CYP26B1: variants seen among roughly 807,000 people sequenced by gnomAD.
CYP26B1 encodes cytochrome P450 26B1.
A neutral mutation model predicts 39.1 loss-of-function variants in CYP26B1; 8 were observed. That is an observed-to-expected ratio of 0.20 (90% confidence interval 0.12 to 0.37). CYP26B1 has a LOEUF of 0.37. Among genes scored for constraint, CYP26B1 ranks in the 10% least tolerant of loss-of-function variants. The pLI, the probability that CYP26B1 is intolerant of heterozygous loss-of-function variation, is 1.00. For synonymous variants in CYP26B1, 321 were observed against 314.3 expected (o/e 1.02, Z -0.23); for missense variants, 615 against 707.0 (o/e 0.87, Z 1.48).
chr2:72,141,538 C>G (rs545611442), intron 2 of CYP26B1, among the ~76,000 whole-genome samples: 1 of 152,216 alleles, frequency 6.6e-6, no homozygotes, highest in Non-Finnish European at 1.5e-5. Flanking sequence ...ACTTCCTGCA[C>G]GTACCTCCTA....
rs768235981 is a variant in CYP26B1 at position 72,147,802 on chromosome 2, C to A, written c.33G>T (p.Ala11=). 8 of 1,552,082 alleles carry A rather than the reference C, an allele frequency of 5.2e-6. No homozygotes were observed. Among genetic ancestry groups the A allele is most frequent in the South Asian group, 1.2e-5 (1 of 83,868 alleles). Reference sequence around the variant, plus strand: ...CCAGGCACGCGGCGAGGGTGGCCAGCGCCGACACCAGATCCAAGCCCTCAA... The same window carrying A: ...CCAGGCACGCGGCGAGGGTGGCCAGAGCCGACACCAGATCCAAGCCCTCAA... MLFEGLDLVS[A]LATLAACLVS... is the part of the protein sequence containing the mutation. Residue 11 remains alanine (A), a synonymous_variant, in exon 1 of 6, where the codon GCG becomes GCT. Coordinates refer to ENST00000001146, the MANE Select transcript of CYP26B1 (RefSeq NM_019885.4). The surrounding 1 kb of genome is among the most constrained non-coding windows in gnomAD (Gnocchi z 6.1).
rs1398105195 is a variant in CYP26B1 at position 72,147,466 on chromosome 2, G to A, written c.204+165C>T. Among the ~76,000 whole-genome samples, 1 of 152,216 alleles carries A rather than the reference G, an allele frequency of 6.6e-6. No individual in the cohort carries two copies. The highest frequency in any genetic ancestry group is 2.4e-5 in the African/African-American group (1 of 41,464). ...CCAGTGGTCCCGGAACCGCGCTGCC[G>A]GCGGGCTGGGGAAGCCCGGGCTGCT... On this transcript the variant is annotated intron_variant, in intron 1 of 5. Transcript: ENST00000001146. The surrounding 1 kb of genome is among the most constrained non-coding windows in gnomAD (Gnocchi z 6.1).
Position 72,131,934 on chromosome 2 carries a change from G to A in CYP26B1, c.*293C>T, listed in dbSNP as rs763896328. 1.0e-5 allele frequency: 5 copies of A among 499,758 alleles called. No homozygotes were observed. The highest frequency in any genetic ancestry group is 3.4e-5 in the Admixed American group (1 of 29,524). 31.0% of individuals were successfully genotyped at this position (499,758 alleles called of 1,614,324 possible). A position where few individuals can be genotyped will look rare whatever the true frequency, so the allele number is the denominator to read the frequency against. On this transcript the variant is annotated 3_prime_UTR_variant, in exon 6 of 6. Transcript: ENST00000001146. ...ACATCACAAAAACACTGTAGCACGC[G>A]CTGACACCTAACACTGTCACGGGCA...
intron 2 of CYP26B1, among the ~76,000 whole-genome samples, chr2:72,143,633 G>A (rs767623121): frequency 5.5e-4 from 84 of 152,238 alleles, no homozygotes; most frequent in Non-Finnish European, 9.1e-4. Context: ...AATTCCCTGG[G>A]AAACGTGGCG....
At chr2:72,139,529 G>T (rs946443420) in intron 2 of CYP26B1, among the ~76,000 whole-genome samples, 1 of 152,150 alleles carries the variant, frequency 6.6e-6, no homozygotes. Flanking sequence ...GGAGCAAAGC[G>T]CCTGCCTGCG....
chr2:72,132,582 C>T lies in CYP26B1; in HGVS notation c.1184G>A (p.Ser395Asn), dbSNP rs985441611. The T allele has an allele frequency of 3.1e-6, 5 of 1,611,540 alleles. No homozygotes were observed. The highest frequency in any genetic ancestry group is 2.5e-6 in the Non-Finnish European group (3 of 1,178,922). Reference sequence around the variant, plus strand: ...CGCTGTGTCATGGGTGTCCCGGATGCTATACATGACACTCCAGCCTTTGGG... The same window carrying T: ...CGCTGTGTCATGGGTGTCCCGGATGTTATACATGACACTCCAGCCTTTGGG... ...QIPKGWSVMYSIRDTHDTAPV... is the reference protein window; with the variant it reads ...QIPKGWSVMYNIRDTHDTAPV... The change falls in exon 6 of 6, where the codon AGC (serine) becomes AAC (asparagine). Residue 395 changes from serine (S) to asparagine (N), a missense_variant. Coordinates refer to ENST00000001146, the MANE Select transcript of CYP26B1 (RefSeq NM_019885.4).
Position 72,132,377 on chromosome 2 carries a change from G to T in CYP26B1, c.1389C>A (p.Arg463=). 1.2e-6 allele frequency: 2 copies of T among 1,611,182 alleles called. No homozygotes were observed. Among genetic ancestry groups the T allele is most frequent in the Non-Finnish European group, 1.7e-6 (2 of 1,178,332 alleles). The change falls in exon 6 of 6, where the codon CGC becomes CGA. Residue 463 remains arginine, a synonymous_variant. Transcript: ENST00000001146. The part of the protein sequence containing the change: ...VLAVELASTS[R]FELATRTFPR... ...GGAAGGTCCGTGTGGCCAGCTCAAA[G>T]CGGCTGGTGCTAGCCAGCTCCACCG...
intron 2 of CYP26B1, among the ~76,000 whole-genome samples, chr2:72,137,326 T>A (rs1676806383): frequency 6.6e-6 from 1 of 152,206 alleles, no homozygotes; most frequent in South Asian, 2.1e-4. Flanking sequence ...CAAGTGGCTA[T>A]CTGCTCCCCC....
Position 72,132,974 on chromosome 2 carries a change from C to A in CYP26B1, c.1146+49G>T, listed in dbSNP as rs372378096. The A allele has an allele frequency of 2.5e-6, 4 of 1,611,726 alleles. No homozygotes were observed. In the African/African-American group the frequency reaches 4.0e-5, roughly 16 times the overall value. On this transcript the variant is annotated intron_variant, in intron 5 of 5. Transcript: ENST00000001146. Reference sequence around the variant, plus strand: ...CTGGTGCCCCGCCTTGCCCCTATCCCGGTGCCCCTGCTCCCCCATCGCCCC... The same window carrying A: ...CTGGTGCCCCGCCTTGCCCCTATCCAGGTGCCCCTGCTCCCCCATCGCCCC...
chr2:72,139,514 C>T (rs961748356), intron 2 of CYP26B1, among the ~76,000 whole-genome samples: 4 of 152,210 alleles, frequency 2.6e-5, no homozygotes, highest in Non-Finnish European at 2.9e-5. Context: ...CAGGCTCCAG[C>T]GGTTGGAGCA....
In CYP26B1 at chr2:72,147,667, G is replaced by A; in HGVS notation, c.168C>T (p.Phe56=). ...AGTGGCCGGTCTCTCCGATGAGCGG[G>A]AAGCCCATGGATCCCTTGGGGATGG... ...KLPIPKGSMG[F]PLIGETGHWL... is the part of the protein sequence containing the mutation. The change falls in exon 1 of 6, where the codon TTC becomes TTT. Residue 56 remains phenylalanine, a synonymous_variant. Transcript: ENST00000001146. The surrounding 1 kb of genome is among the most constrained non-coding windows in gnomAD (Gnocchi z 6.1). 1 of 1,610,148 alleles carries A rather than the reference G, an allele frequency of 6.2e-7. No homozygotes were observed. Among genetic ancestry groups the A allele is most frequent in the Non-Finnish European group, 8.5e-7 (1 of 1,178,810 alleles).
chr2:72,143,693 G>C (rs977851286), intron 2 of CYP26B1, among the ~76,000 whole-genome samples: 3 of 152,246 alleles, frequency 2.0e-5, no homozygotes. Context: ...TTCCAGCTCT[G>C]TGGAGCAAGG....
intron 4 of CYP26B1, among the ~76,000 whole-genome samples, chr2:72,133,797 C>T (rs1406238207): frequency 1.3e-5 from 2 of 152,154 alleles, no homozygotes. Context: ...ATCAGGGGAG[C>T]CAATGGGGTC....
At chr2:72,138,988 G>A (rs1031191301) in intron 2 of CYP26B1, among the ~76,000 whole-genome samples, 5 of 152,174 alleles carry the variant, frequency 3.3e-5, no homozygotes, top group African/African-American at 4.8e-5. Context: ...CTCTCACCCC[G>A]TGCCCTGGGA....
chr2:72,138,480 G>A (rs894965878), intron 2 of CYP26B1, among the ~76,000 whole-genome samples: 5 of 152,204 alleles, frequency 3.3e-5, no homozygotes, highest in African/African-American at 7.2e-5. Flanking sequence ...TTCCTGGCCC[G>A]GAGCTACTTC....
chr2:72,138,541 C>A (rs547939851), intron 2 of CYP26B1, among the ~76,000 whole-genome samples: 1 of 152,340 alleles, frequency 6.6e-6, no homozygotes, highest in African/African-American at 2.4e-5. Flanking sequence ...CCTTCTGGGG[C>A]TTCCCTCGGA....
At position 72,132,188 on chromosome 2, in the gene CYP26B1, C is replaced by G. The variant is rs1157231025; in HGVS notation, c.*39G>C. The G allele has an allele frequency of 6.3e-7, 1 of 1,578,596 alleles. No homozygotes were observed. Among genetic ancestry groups the G allele is most frequent in the South Asian group, 1.2e-5 (1 of 86,100 alleles). On this transcript the variant is annotated 3_prime_UTR_variant, in exon 6 of 6. Coordinates refer to ENST00000001146, the MANE Select transcript of CYP26B1 (RefSeq NM_019885.4). ...GGTTTCTACCTCCCACAACCACCAC[C>G]CCGCTGCCTGGGCTGGGCTGAGGCG...
At chr2:72,140,667 G>A (rs1288324206) in intron 2 of CYP26B1, among the ~76,000 whole-genome samples, 1 of 152,210 alleles carries the variant, frequency 6.6e-6, no homozygotes. Context: ...CTCCTGCTGA[G>A]GCACCTCCTC....
At chr2:72,135,082 A>G (rs1676722369) in intron 3 of CYP26B1, 62 bp downstream of exon 3, 1 of 1,605,566 alleles carries the variant, frequency 6.2e-7, no homozygotes, top group Admixed American at 1.7e-5. Context: ...TCAGCCACCC[A>G]CCCCCAGAGA....
Sources: allele counts gnomAD v4.1 joint callset (sites outside exome capture counted in the v4.1 genomes callset), GRCh38; gene constraint gnomAD v4.1.1; non-coding constraint Gnocchi (gnomAD v3.1); transcripts MANE v1.5; gene names NCBI Gene and HGNC (gene_info 2026-07-23, HGNC 2026-07-21).